Variants in MAP3K7 observed in about 807,000 individuals in gnomAD.
The protein encoded by MAP3K7 is TGF-beta activated kinase 1.
MAP3K7 carries 21 observed loss-of-function variants against 84.8 expected under a neutral mutation model. That is an observed-to-expected ratio of 0.25 (90% CI 0.18 to 0.36). MAP3K7 has a LOEUF of 0.36. Among genes scored for constraint, MAP3K7 ranks in the 10% least tolerant of loss-of-function variants. MAP3K7 has a pLI of 1.00. For missense variants in MAP3K7, 503 were observed against 747.7 expected (o/e 0.67, Z 3.82); for synonymous variants, 241 against 247.7 (o/e 0.97, Z 0.25).
At position 90,524,560 on chromosome 6, in the gene MAP3K7, A is replaced by G. The variant is rs1427409034; in HGVS notation, c.1357-777T>C. ...ACTGCCAGTCTAGAATTGTCTAGCC[A>G]ACAAAATTTGAAGATAGAGGCCAAA... On this transcript the variant is annotated intron_variant, in intron 13 of 16. Coordinates refer to ENST00000369329, the MANE Select transcript of MAP3K7 (RefSeq NM_145331.3). 2.0e-5 allele frequency among the ~76,000 whole-genome samples: 3 copies of G among 152,198 alleles called. No individual in the cohort carries two copies. In the East Asian group the frequency reaches 5.8e-4, roughly 29 times the overall value.
rs1170023667 is a variant in MAP3K7 at position 90,548,190 on chromosome 6, GA to G, written c.950-14del. 20 of 1,599,100 alleles carry G rather than the reference GA, an allele frequency of 1.3e-5. No individual in the cohort carries two copies. Among genetic ancestry groups the G allele is most frequent in the Non-Finnish European group, 1.7e-5 (20 of 1,173,692 alleles). ...TCCATGAATGAGCCTAGGAAAAGCA[GA>G]AACATTTATGACTAATGGCTGGAAA... On this transcript the variant is annotated splice_polypyrimidine_tract_variant and intron_variant, in intron 9 of 16. Coordinates refer to ENST00000369329, the MANE Select transcript of MAP3K7 (RefSeq NM_145331.3).
chr6:90,561,920 G>A (rs1365799182), intron 3 of MAP3K7, among the ~76,000 whole-genome samples: 1 of 152,208 alleles, frequency 6.6e-6, no homozygotes. Flanking sequence ...TTTCTCCAGT[G>A]CCAGTAAGTA....
chr6:90,573,683 G>A (rs1251839629), intron 1 of MAP3K7, among the ~76,000 whole-genome samples: 1 of 152,218 alleles, frequency 6.6e-6, no homozygotes, highest in Non-Finnish European at 1.5e-5. Context: ...ACTTGCCCAA[G>A]ATTGGATGGT....
chr6:90,547,953 A>G lies in MAP3K7; in HGVS notation c.1080+94T>C, dbSNP rs112733089. ...GTTTCAGGAAGAAAATTCAGGATTT[A>G]TAAAATAGAAGATGGTAAATAATTA... On this transcript the variant is annotated intron_variant, in intron 10 of 16. Transcript: ENST00000369329. 1.7e-5 allele frequency: 18 copies of G among 1,046,064 alleles called. 1 individual carries two copies. The highest frequency in any genetic ancestry group is 1.5e-4 in the African/African-American group (9 of 60,200). 64.8% of individuals were successfully genotyped at this position (1,046,064 alleles called of 1,614,324 possible).
chr6:90,535,917 TG>T (rs776433656), intron 13 of MAP3K7, among the ~76,000 whole-genome samples: 83 of 152,320 alleles, frequency 5.4e-4, no homozygotes, highest in Middle Eastern at 6.8e-3. Context: ...CTCCATGTAA[TG>T]CCCTACGTGG....
chr6:90,559,519 C>A (rs113156572), intron 5 of MAP3K7, among the ~76,000 whole-genome samples: 37 of 152,104 alleles, frequency 2.4e-4, no homozygotes, highest in African/African-American at 8.7e-4. Flanking sequence ...ACAAACAAAA[C>A]CCCCAAAGTT....
intron 9 of MAP3K7, among the ~76,000 whole-genome samples, chr6:90,550,162 CTAGTAG>C (rs1776135340): frequency 6.6e-6 from 1 of 151,986 alleles, no homozygotes; most frequent in Non-Finnish European, 1.5e-5. Flanking sequence ...ACTACTTGAT[CTAGTAG>C]TATGCATGTA....
intron 12 of MAP3K7, chr6:90,542,429 C>A: frequency 1.0e-6 from 1 of 984,456 alleles, no homozygotes; most frequent in African/African-American, 1.7e-5. Flanking sequence ...AATAGCACTG[C>A]TGCTCTGGCA....
rs911254927 is a variant in MAP3K7, at chr6:90,531,063, T to A, written c.1356+5274A>T. Among the ~76,000 whole-genome samples the A allele has an allele frequency of 2.6e-5, 4 of 152,130 alleles. 1 individual carries two copies. Among genetic ancestry groups the A allele is most frequent in the Admixed American group, 2.0e-4 (3 of 15,278 alleles). On this transcript the variant is annotated intron_variant, in intron 13 of 16. Coordinates refer to ENST00000369329, the MANE Select transcript of MAP3K7 (RefSeq NM_145331.3). ...ACTGGATATGAAAGTCACAAGAGTATAGAAACGTGACACAGCAATTTAAGG... is the reference window on the plus strand; with the variant it reads ...ACTGGATATGAAAGTCACAAGAGTAAAGAAACGTGACACAGCAATTTAAGG...
At chr6:90,521,741 T>G (rs1775157831) in intron 14 of MAP3K7, among the ~76,000 whole-genome samples, 1 of 152,130 alleles carries the variant, frequency 6.6e-6, no homozygotes, top group Non-Finnish European at 1.5e-5. Context: ...CTCCCTCTAC[T>G]GCGTCTAGAT....
rs1032894815 is a variant in MAP3K7 at position 90,518,509 on chromosome 6, A to G, written c.1578T>C (p.His526=). 8 of 1,609,634 alleles carry G rather than the reference A, an allele frequency of 5.0e-6. No individual in the cohort carries two copies. Among genetic ancestry groups the G allele is most frequent in the African/African-American group, 2.7e-5 (2 of 74,716 alleles). ...TCATATATTCTTGTGCCATTTTACA[A>G]TGCTGTTCAAACACTGCCATAGATT... The part of the protein sequence containing the change: ...SKESMAVFEQ[H]CKMAQEYMKV... Residue 526 remains histidine, a synonymous_variant, in exon 16 of 17, where the codon CAT becomes CAC. Coordinates refer to ENST00000369329, the MANE Select transcript of MAP3K7 (RefSeq NM_145331.3).
intron 16 of MAP3K7, 98 bp from the exon 17 acceptor site, chr6:90,516,779 T>C (rs968145431): frequency 1.1e-4 from 113 of 1,017,416 alleles, no homozygotes; most frequent in Non-Finnish European, 1.3e-4. Context: ...TTATTCTTGG[T>C]TTATCATTTT....
intron 3 of MAP3K7, 110 bp from the exon 4 acceptor site, chr6:90,561,777 T>C: frequency 1.3e-6 from 1 of 794,316 alleles, no homozygotes; most frequent in African/African-American, 1.8e-5. Context: ...TAAAAATCAT[T>C]CTTTTGGCCC....
At chr6:90,531,844 T>C (rs2127961976) in intron 13 of MAP3K7, among the ~76,000 whole-genome samples, 2 of 151,448 alleles carry the variant, frequency 1.3e-5, no homozygotes, top group Middle Eastern at 6.9e-3. Context: ...TAATCCCAGC[T>C]ACTCGGGAGG....
At chr6:90,524,307 G>A (rs1582162678) in intron 13 of MAP3K7, among the ~76,000 whole-genome samples, 1 of 152,164 alleles carries the variant, frequency 6.6e-6, no homozygotes, top group African/African-American at 2.4e-5. Context: ...GTGGCTCTGG[G>A]TGGAAGGGAG....
At chr6:90,544,432 T>C (rs1775939664) in intron 12 of MAP3K7, 120 bp downstream of exon 12, 1 of 800,362 alleles carries the variant, frequency 1.2e-6, no homozygotes, top group Non-Finnish European at 2.2e-6. Context: ...CCCTAATTAC[T>C]GCATGCAAGG....
At chr6:90,540,487 G>A (rs1262670927) in intron 12 of MAP3K7, among the ~76,000 whole-genome samples, 2 of 151,778 alleles carry the variant, frequency 1.3e-5, no homozygotes, top group Non-Finnish European at 2.9e-5. Context: ...TATCACATTT[G>A]GGAAACTCAT....
chr6:90,567,795 A>G (rs193221259), intron 3 of MAP3K7, among the ~76,000 whole-genome samples: 19 of 152,358 alleles, frequency 1.2e-4, no homozygotes, highest in Middle Eastern at 3.4e-3. Flanking sequence ...TCACAATAGC[A>G]AAGACTTGGA....
Position 90,567,367 on chromosome 6 carries a change from G to GA in MAP3K7, c.297+1190dup, listed in dbSNP as rs1181870436. On this transcript the variant is annotated intron_variant, in intron 3 of 16. Coordinates refer to ENST00000369329, the MANE Select transcript of MAP3K7 (RefSeq NM_145331.3). ...ACAAAGAACTTAAACAAATTTACAAGAAAAAATCAAACAACCCCATCAAAA... is the reference window on the plus strand; with the variant it reads ...ACAAAGAACTTAAACAAATTTACAAGAAAAAAATCAAACAACCCCATCAAAA... 7.2e-5 allele frequency among the ~76,000 whole-genome samples: 11 copies of GA among 152,192 alleles called. No individual in the cohort carries two copies. In the South Asian group the frequency reaches 2.3e-3, roughly 32 times the overall value.
Sources: gnomAD v4.1 joint callset for allele counts (sites outside exome capture counted in the v4.1 genomes callset) on GRCh38, gnomAD v4.1.1 for gene constraint, MANE v1.5 for transcripts, NCBI Gene and HGNC (gene_info 2026-07-23, HGNC 2026-07-21) for gene names.